Variants in ETNK1 observed in about 807,000 individuals in gnomAD.
ETNK1 encodes the protein putative protein product of Nbla10396.
In ETNK1, 8 loss-of-function variants were observed where a neutral mutation model predicts 45.1. That is an observed-to-expected ratio of 0.18 (90% confidence interval 0.10 to 0.32). The LOEUF is 0.32. ETNK1 is among the 10% of genes least tolerant of loss of function. The pLI, the probability that ETNK1 is intolerant of heterozygous loss-of-function variation, is 1.00. For missense variants in ETNK1, 302 were observed against 430.6 expected (o/e 0.70, Z 2.64); for synonymous variants, 152 against 151.9 (o/e 1.00, Z -0.01).
In ETNK1 at chr12:22,685,056, TG is replaced by T; in HGVS notation, c.*104del. Reference sequence around the variant, plus strand: ...TTAGTTAAAATTCTGTTGTTTAATTTGGTTATCTTGCTTTATAAATTATGCC... The same window carrying T: ...TTAGTTAAAATTCTGTTGTTTAATTTGTTATCTTGCTTTATAAATTATGCC... On this transcript the variant is annotated 3_prime_UTR_variant, in exon 8 of 8. Transcript: ENST00000266517. The T allele has an allele frequency of 1.3e-6, 1 of 774,336 alleles. No homozygotes were observed. The highest frequency in any genetic ancestry group is 2.7e-5 in the East Asian group (1 of 36,694). 48.0% of individuals were successfully genotyped at this position (774,336 alleles called of 1,614,324 possible).
intron 1 of ETNK1, among the ~76,000 whole-genome samples, chr12:22,637,259 C>A (rs1172644363): frequency 6.6e-6 from 1 of 152,180 alleles, no homozygotes; most frequent in African/African-American, 2.4e-5. Flanking sequence ...TCAGGGATCA[C>A]TGTTCTCTCT....
intron 2 of ETNK1, among the ~76,000 whole-genome samples, chr12:22,649,087 A>C (rs1299339193): frequency 6.6e-6 from 1 of 152,022 alleles, no homozygotes; most frequent in African/African-American, 2.4e-5. Flanking sequence ...GCTGAATTTT[A>C]AGAGCTATTT....
Position 22,659,112 on chromosome 12 carries a change from C to G in ETNK1, c.515C>G (p.Ser172Cys). 6.2e-7 allele frequency: 1 copy of G among 1,613,804 alleles called. No individual in the cohort carries two copies. Among genetic ancestry groups the G allele is most frequent in the Non-Finnish European group, 8.5e-7 (1 of 1,179,766 alleles). The change falls in exon 3 of 8, where the codon TCT becomes TGT. Residue 172 changes from serine to cysteine, a missense_variant. By Grantham distance (112) the Ser-to-Cys change is moderately radical. Around this residue, in one of 3 missense-constraint regions of ETNK1, gnomAD observed 205 missense variants for 259.9 expected, o/e 0.79. Coordinates refer to ENST00000266517, the MANE Select transcript of ETNK1 (RefSeq NM_018638.5). Reference sequence around the variant, plus strand: ...TGGCTAAAGATGGGAAAGTATTTCTCTCTCATTCCCACAGGATTTGCAGAT... The same window carrying G: ...TGGCTAAAGATGGGAAAGTATTTCTGTCTCATTCCCACAGGATTTGCAGAT... ...NLWLKMGKYF[S>C]LIPTGFADED...
intron 6 of ETNK1, among the ~76,000 whole-genome samples, chr12:22,674,380 T>G (rs1954139946): frequency 6.6e-6 from 1 of 152,210 alleles, no homozygotes; most frequent in Admixed American, 6.5e-5. Context: ...TGTTGTGTTG[T>G]CTCTACAGAT....
At chr12:22,626,138 A>G (rs938910018) in intron 1 of ETNK1, 7 of 251,218 alleles carry the variant, frequency 2.8e-5, no homozygotes, top group African/African-American at 1.4e-4. Flanking sequence ...CACCACACAC[A>G]TTGTTTTGTT....
rs1358323034 is a variant in ETNK1, at chr12:22,684,888, A to C, written c.1026A>C (p.Ala342=). The C allele has an allele frequency of 1.2e-6, 2 of 1,604,336 alleles. No individual in the cohort carries two copies. Among genetic ancestry groups the C allele is most frequent in the Non-Finnish European group, 1.7e-6 (2 of 1,176,830 alleles). ...STIEFDFLGY[A]IVRFNQYFKM... ...TGTTCTCTTTTCTCACTAGGTATGC[A>C]ATTGTTCGTTTTAACCAGTACTTTA... Residue 342 remains alanine (A), a synonymous_variant, in exon 8 of 8, where the codon GCA becomes GCC. Transcript: ENST00000266517.
At chr12:22,644,822 G>A (rs1217579966) in intron 2 of ETNK1, among the ~76,000 whole-genome samples, 4 of 151,896 alleles carry the variant, frequency 2.6e-5, no homozygotes, top group African/African-American at 9.7e-5. Context: ...GTGAGAATGA[G>A]AAAGGTAAAT....
At chr12:22,639,466 C>G (rs1236347471) in intron 1 of ETNK1, among the ~76,000 whole-genome samples, 1 of 152,106 alleles carries the variant, frequency 6.6e-6, no homozygotes, top group Non-Finnish European at 1.5e-5. Context: ...CACCTGAGAT[C>G]AGGAGCTCTA....
At chr12:22,664,042 T>C (rs958978595) in intron 4 of ETNK1, among the ~76,000 whole-genome samples, 3 of 152,000 alleles carry the variant, frequency 2.0e-5, no homozygotes, top group Non-Finnish European at 2.9e-5. Flanking sequence ...ACCTAGTCTT[T>C]AGTGTTACGT....
chr12:22,688,340 C>A lies in ETNK1; in HGVS notation c.*3386C>A, dbSNP rs1034146664. 6.6e-6 allele frequency: 1 copy of A among 151,666 alleles called. No individual in the cohort carries two copies. The highest frequency in any genetic ancestry group is 2.4e-5 in the African/African-American group (1 of 41,362). 9.4% of individuals were successfully genotyped at this position (151,666 alleles called of 1,614,324 possible). ...GTAATCTTGTAATGACAATTATTTC[C>A]ATTTTTGCTGAACTAAAAATATTTA... On this transcript the variant is annotated 3_prime_UTR_variant, in exon 8 of 8. Transcript: ENST00000266517.
chr12:22,673,780 G>A, intron 6 of ETNK1, 120 bp downstream of exon 6: 1 of 1,001,874 alleles, frequency 1.0e-6, no homozygotes, highest in Non-Finnish European at 1.4e-6. Context: ...TCAAAATAAT[G>A]TAAATACATG....
At chr12:22,659,791 T>TC (rs1953980839) in intron 3 of ETNK1, among the ~76,000 whole-genome samples, 2 of 152,248 alleles carry the variant, frequency 1.3e-5, no homozygotes, top group East Asian at 3.9e-4. Context: ...TTATATTTTT[T>TC]CCCTAGGCTC....
chr12:22,667,759 C>G (rs909705561), intron 4 of ETNK1, among the ~76,000 whole-genome samples: 4 of 152,058 alleles, frequency 2.6e-5, no homozygotes, highest in African/African-American at 4.8e-5. Flanking sequence ...ATTCCTTTCT[C>G]CTAACAACAA....
chr12:22,665,369 T>C (rs1954044423), intron 4 of ETNK1, among the ~76,000 whole-genome samples: 1 of 152,208 alleles, frequency 6.6e-6, no homozygotes, highest in Non-Finnish European at 1.5e-5. Context: ...TTTGTACTAT[T>C]GATAGTCTAG....
rs754177521 is a variant in ETNK1, at chr12:22,659,115, T to C, written c.518T>C (p.Leu173Pro). ...LWLKMGKYFSLIPTGFADEDI... is the reference protein window; with the variant it reads ...LWLKMGKYFSPIPTGFADEDI... ...CTAAAGATGGGAAAGTATTTCTCTCTCATTCCCACAGGATTTGCAGATGAA... is the reference window on the plus strand; with the variant it reads ...CTAAAGATGGGAAAGTATTTCTCTCCCATTCCCACAGGATTTGCAGATGAA... The change falls in exon 3 of 8, where the codon CTC (leucine) becomes CCC (proline). Residue 173 changes from leucine to proline, a missense_variant. Leu to Pro is a moderately conservative substitution (Grantham distance 98). Transcript: ENST00000266517. The C allele has an allele frequency of 6.2e-7, 1 of 1,613,832 alleles. No individual in the cohort carries two copies. The highest frequency in any genetic ancestry group is 8.5e-7 in the Non-Finnish European group (1 of 1,179,794).
At chr12:22,683,622 C>G (rs1954233698) in intron 6 of ETNK1, among the ~76,000 whole-genome samples, 1 of 152,104 alleles carries the variant, frequency 6.6e-6, no homozygotes, top group South Asian at 2.1e-4. Flanking sequence ...ACTGGAACCT[C>G]TACATCTTGT....
rs554231192 is a variant in ETNK1, at chr12:22,642,210, A to G, written c.157-1553A>G. On this transcript the variant is annotated intron_variant, in intron 1 of 7. Transcript: ENST00000266517. Reference sequence around the variant, plus strand: ...TTTCAGAATGTTAAAAGGTTTCTCAATCTTTATTACCGTATTTGAAATATT... The same window carrying G: ...TTTCAGAATGTTAAAAGGTTTCTCAGTCTTTATTACCGTATTTGAAATATT... 3.9e-5 allele frequency among the ~76,000 whole-genome samples: 6 copies of G among 152,180 alleles called. No homozygotes were observed. In the East Asian group the frequency reaches 7.7e-4, roughly 20 times the overall value.
At chr12:22,629,255 AC>A (rs1330803325) in intron 1 of ETNK1, among the ~76,000 whole-genome samples, 2 of 152,156 alleles carry the variant, frequency 1.3e-5, no homozygotes, top group Non-Finnish European at 2.9e-5. Flanking sequence ...TATGGAATGA[AC>A]ATTCAAATTT....
At chr12:22,672,435 T>A (rs1161153563) in intron 5 of ETNK1, among the ~76,000 whole-genome samples, 1 of 152,124 alleles carries the variant, frequency 6.6e-6, no homozygotes, top group African/African-American at 2.4e-5. Context: ...TGGGAAAAAA[T>A]TTTAATTTGA....
Sources: allele counts gnomAD v4.1 joint callset (sites outside exome capture counted in the v4.1 genomes callset), GRCh38; gene constraint gnomAD v4.1.1; regional missense constraint gnomAD v4.1.1; transcripts MANE v1.5; gene names NCBI Gene and HGNC (gene_info 2026-07-23, HGNC 2026-07-21).